Variants in TANGO6 observed in about 807,000 individuals in gnomAD.
TANGO6 encodes transport and Golgi organization protein 6 homolog.
A neutral mutation model predicts 114.2 loss-of-function variants in TANGO6; 90 were observed. That is an observed-to-expected ratio of 0.79 (90% confidence interval 0.66 to 0.94). TANGO6 has a LOEUF of 0.94. TANGO6 is among the 40% of genes least tolerant of loss of function. The probability of loss-of-function intolerance (pLI) is 0.00; values close to 1 mark genes in which losing one functional copy is unlikely to be tolerated. For synonymous variants in TANGO6, 477 were observed against 509.8 expected (o/e 0.94, Z 0.87); for missense variants, 1,274 against 1,315.3 (o/e 0.97, Z 0.49).
chr16:68,877,147 A>G (rs1567529887), intron 5 of TANGO6, among the ~76,000 whole-genome samples: 2 of 152,076 alleles, frequency 1.3e-5, no homozygotes, highest in Non-Finnish European at 2.9e-5. Context: ...TGTGTTACAA[A>G]CTTTTTTGAT....
intron 17 of TANGO6, among the ~76,000 whole-genome samples, chr16:69,066,037 G>T (rs1355139470): frequency 6.6e-6 from 1 of 152,158 alleles, no homozygotes; most frequent in African/African-American, 2.4e-5. Flanking sequence ...AATTCTTCCT[G>T]ATGCTTTCCA....
At chr16:68,996,400 T>C (rs1422220034) in intron 15 of TANGO6, among the ~76,000 whole-genome samples, 1 of 152,132 alleles carries the variant, frequency 6.6e-6, no homozygotes, top group East Asian at 1.9e-4. Context: ...ATTCATGAAA[T>C]GTTACAAGAA....
Position 68,950,794 on chromosome 16 carries a change from G to A in TANGO6, c.2701+20499G>A, listed in dbSNP as rs9925211. On this transcript the variant is annotated intron_variant, in intron 14 of 17. Coordinates refer to ENST00000261778, the MANE Select transcript of TANGO6 (RefSeq NM_024562.2). Reference sequence around the variant, plus strand: ...GAATCGCTTGAGCCTGGGAGGCGGAGGTTGCAGTGAGCTGATGTGGCACCG... The same window carrying A: ...GAATCGCTTGAGCCTGGGAGGCGGAAGTTGCAGTGAGCTGATGTGGCACCG... 4.1e-3 allele frequency among the ~76,000 whole-genome samples: 625 copies of A among 152,214 alleles called. 5 individuals carry two copies. The highest frequency in any genetic ancestry group is 0.014 in the African/African-American group (595 of 41,534).
chr16:68,888,812 T>TTTA lies in TANGO6; in HGVS notation c.1377+8194_1377+8196dup, dbSNP rs577520299. ...CCTCTCACTTTTTAAATAGACTTTATTTATTATTATTATTTTTTGAGCCGG... is the reference window on the plus strand; with the variant it reads ...CCTCTCACTTTTTAAATAGACTTTATTTATTATTATTATTATTTTTTGAGCCGG... On this transcript the variant is annotated intron_variant, in intron 7 of 17. Coordinates refer to ENST00000261778, the MANE Select transcript of TANGO6 (RefSeq NM_024562.2). 1.1e-4 allele frequency among the ~76,000 whole-genome samples: 17 copies of TTTA among 152,310 alleles called. No homozygotes were observed. In the South Asian group the frequency reaches 3.5e-3, roughly 32 times the overall value.
At chr16:69,045,301 G>T (rs913919663) in intron 17 of TANGO6, among the ~76,000 whole-genome samples, 3 of 147,792 alleles carry the variant, frequency 2.0e-5, no homozygotes, top group Non-Finnish European at 4.5e-5. Context: ...AAAATTAGCC[G>T]GGTGTGGTGG....
rs746320682 is a variant in TANGO6 at position 68,900,385 on chromosome 16, T to A, written c.1378-49T>A. The A allele has an allele frequency of 3.3e-6, 5 of 1,516,560 alleles. No individual in the cohort carries two copies. The Admixed American group carries it at 5.1e-5, about 15-fold the overall frequency. The allele number at this position is 1,516,560 out of a possible 1,614,324, so 93.9% of individuals were successfully genotyped here. A position where few individuals can be genotyped will look rare whatever the true frequency, so the allele number is the denominator to read the frequency against. ...GTGTTTGGTGTGTGATTCCCGTTGC[T>A]CTGGCCAGGCAGTCATGGGATTATT... On this transcript the variant is annotated intron_variant, in intron 7 of 17. Transcript: ENST00000261778.
chr16:68,912,723 G>A (rs368101529), intron 11 of TANGO6, among the ~76,000 whole-genome samples: 4 of 152,036 alleles, frequency 2.6e-5, no homozygotes, highest in East Asian at 3.9e-4. Context: ...TACTGAACAC[G>A]TTTATCTGCT....
At chr16:68,987,608 A>T (rs940098790) in intron 15 of TANGO6, among the ~76,000 whole-genome samples, 4 of 152,200 alleles carry the variant, frequency 2.6e-5, no homozygotes, top group African/African-American at 7.2e-5. Flanking sequence ...GGCTCAAGGG[A>T]TCTGCCTACC....
intron 1 of TANGO6, among the ~76,000 whole-genome samples, chr16:68,854,592 G>C (rs1961955580): frequency 6.6e-6 from 1 of 151,098 alleles, no homozygotes; most frequent in Non-Finnish European, 1.5e-5. Context: ...GTTAATTTTG[G>C]TGTGTGGTGT....
At chr16:68,985,972 T>C (rs780274621) in intron 15 of TANGO6, among the ~76,000 whole-genome samples, 3 of 152,046 alleles carry the variant, frequency 2.0e-5, no homozygotes, top group Non-Finnish European at 4.4e-5. Context: ...TCAAGGAACC[T>C]GTCAGGGGAG....
chr16:68,983,977 G>A (rs193077934), intron 15 of TANGO6, among the ~76,000 whole-genome samples: 2 of 151,056 alleles, frequency 1.3e-5, no homozygotes, highest in Admixed American at 1.3e-4. Flanking sequence ...AGGTTGCAGT[G>A]AGCCGAGATC....
intron 17 of TANGO6, among the ~76,000 whole-genome samples, chr16:69,053,556 C>G (rs1959987246): frequency 6.6e-6 from 1 of 152,130 alleles, no homozygotes; most frequent in African/African-American, 2.4e-5. Flanking sequence ...TCCTATAAGC[C>G]TTCATCCACT....
intron 14 of TANGO6, among the ~76,000 whole-genome samples, chr16:68,947,220 G>C (rs1481587495): frequency 1.3e-5 from 2 of 152,120 alleles, no homozygotes; most frequent in African/African-American, 2.4e-5. Flanking sequence ...CACTTTGGGA[G>C]GCCGAGGCAG....
intron 1 of TANGO6, among the ~76,000 whole-genome samples, chr16:68,857,315 T>C (rs988532835): frequency 4.6e-5 from 7 of 152,122 alleles, no homozygotes; most frequent in African/African-American, 1.2e-4. Context: ...CCATGTCTTT[T>C]GTGGCTTGAT....
intron 17 of TANGO6, among the ~76,000 whole-genome samples, chr16:69,040,775 T>C (rs1230923647): frequency 6.6e-6 from 1 of 152,142 alleles, no homozygotes; most frequent in African/African-American, 2.4e-5. Context: ...TCTGACTCAT[T>C]TGATTGTTCA....
chr16:69,054,726 G>A (rs1171765634), intron 17 of TANGO6, among the ~76,000 whole-genome samples: 1 of 151,428 alleles, frequency 6.6e-6, no homozygotes, highest in Non-Finnish European at 1.5e-5. Context: ...GAGGTCAGGA[G>A]ATCGAGACCA....
At chr16:68,975,755 C>T (rs141359193) in intron 15 of TANGO6, among the ~76,000 whole-genome samples, 53 of 151,594 alleles carry the variant, frequency 3.5e-4, no homozygotes, top group African/African-American at 1.2e-3. Context: ...CAAGGTCTCA[C>T]TATGTTGCCC....
Position 68,855,317 on chromosome 16 carries a change from C to T in TANGO6, c.95-4567C>T, listed in dbSNP as rs755725565. On this transcript the variant is annotated intron_variant, in intron 1 of 17. Coordinates refer to ENST00000261778, the MANE Select transcript of TANGO6 (RefSeq NM_024562.2). ...AAGTTTTAGGCCAGGCGTGGTGGCT[C>T]ACACCTGTAATGCCAGCACTTTGGG... is the stretch of plus-strand genomic sequence containing the variant. 1.5e-4 allele frequency among the ~76,000 whole-genome samples: 23 copies of T among 152,240 alleles called. No homozygotes were observed. The East Asian group carries it at 3.7e-3, about 24-fold the overall frequency.
In TANGO6 at chr16:68,969,781, A is replaced by G. The variant is rs187688762; in HGVS notation, c.2702-4247A>G. Among the ~76,000 whole-genome samples, 8 of 152,232 alleles carry G rather than the reference A, an allele frequency of 5.3e-5. No individual in the cohort carries two copies. The East Asian group carries it at 1.4e-3, about 26-fold the overall frequency. ...GAAAAACAGTCCAACTGGCATGAGC[A>G]TTAGAGGGTGTTTATTGGCTTTTCT... On this transcript the variant is annotated intron_variant, in intron 14 of 17. Transcript: ENST00000261778.
Sources: allele counts gnomAD v4.1 joint callset (sites outside exome capture counted in the v4.1 genomes callset), GRCh38; gene constraint gnomAD v4.1.1; transcripts MANE v1.5; gene names NCBI Gene and HGNC (gene_info 2026-07-23, HGNC 2026-07-21).